The following DCAF8L2 variants were observed in gnomAD, a reference collection of about 807,000 sequenced individuals.
The protein encoded by DCAF8L2 is DDB1- and CUL4-associated factor 8-like protein 2.
For missense variants in DCAF8L2, 430 were observed against 490.7 expected, an observed-to-expected ratio of 0.88 and a Z score of 1.17; for synonymous variants, 200 against 190.9, an observed-to-expected ratio of 1.05 and a Z score of -0.39.
chrX:27,730,271 T>A (rs1921111132), intron 4 of DCAF8L2, among the ~76,000 whole-genome samples: 1 of 111,656 alleles, frequency 9.0e-6, no homozygotes, highest in Non-Finnish European at 1.9e-5. Flanking sequence ...TTTGTTTGTT[T>A]GCTTGCTTAT....
chrX:27,544,235 A>G, the DCAF8L2 span, among the ~76,000 whole-genome samples: 1 of 111,707 alleles, frequency 9.0e-6, no homozygotes, highest in Non-Finnish European at 1.9e-5. Context: ...GCCAGGATCC[A>G]AGCCTCCATT....
the DCAF8L2 span, among the ~76,000 whole-genome samples, chrX:27,549,201 A>T: frequency 8.9e-6 from 1 of 111,843 alleles, no homozygotes; most frequent in Non-Finnish European, 1.9e-5. Flanking sequence ...ATTCTATTTT[A>T]ATTATGAAAT....
At chrX:27,623,507 G>GT (rs1458958166) in intron 1 of DCAF8L2, among the ~76,000 whole-genome samples, 4 of 109,888 alleles carry the variant, frequency 3.6e-5, no homozygotes, top group Non-Finnish European at 7.6e-5. Context: ...GTTTTTGAGG[G>GT]TTTTTCAATG....
chrX:27,634,291 A>G (rs917585370), intron 2 of DCAF8L2, among the ~76,000 whole-genome samples: 1 of 111,595 alleles, frequency 9.0e-6, no homozygotes, highest in African/African-American at 3.3e-5. Flanking sequence ...ACCCATATGC[A>G]TGCTACTCTC....
intron 4 of DCAF8L2, among the ~76,000 whole-genome samples, chrX:27,736,445 G>A (rs915476941): frequency 3.6e-5 from 4 of 111,920 alleles, no homozygotes; most frequent in Non-Finnish European, 5.6e-5. Context: ...TAGTCATATG[G>A]ATGAATCAAA....
the DCAF8L2 span, among the ~76,000 whole-genome samples, chrX:27,494,802 A>G: frequency 8.9e-6 from 1 of 112,211 alleles, no homozygotes; most frequent in Non-Finnish European, 1.9e-5. Flanking sequence ...CTTTGCATTG[A>G]AATGGTTCTT....
chrX:27,559,144 G>A, the DCAF8L2 span, among the ~76,000 whole-genome samples: 110 of 110,729 alleles, frequency 9.9e-4, 2 homozygotes, highest in Non-Finnish European at 1.5e-3. Flanking sequence ...ATAGAACTGC[G>A]AGTCAATTAA....
At chrX:27,532,741 T>C in the DCAF8L2 span, among the ~76,000 whole-genome samples, 1 of 100,829 alleles carries the variant, frequency 9.9e-6, no homozygotes, top group African/African-American at 3.6e-5. Context: ...TATTTATTTA[T>C]TTATTTATTT....
At chrX:27,703,765 A>T (rs1248277680) in intron 3 of DCAF8L2, among the ~76,000 whole-genome samples, 1 of 110,866 alleles carries the variant, frequency 9.0e-6, no homozygotes. Flanking sequence ...TAAAACAATA[A>T]CAGCCTTAAA....
chrX:27,587,965 G>A, upstream of DCAF8L2, among the ~76,000 whole-genome samples: 1 of 46,095 alleles, frequency 2.2e-5, no homozygotes, highest in African/African-American at 9.0e-5. Flanking sequence ...AGTGACTTCA[G>A]TACTTCCATT....
intron 1 of DCAF8L2, among the ~76,000 whole-genome samples, chrX:27,626,094 T>C (rs932946246): frequency 1.8e-5 from 2 of 111,882 alleles, no homozygotes; most frequent in Non-Finnish European, 1.9e-5. Flanking sequence ...GCCCAAGATC[T>C]GAGTTCCCTT....
chrX:27,538,371 G>C, the DCAF8L2 span, among the ~76,000 whole-genome samples: 1 of 111,367 alleles, frequency 9.0e-6, no homozygotes, highest in Non-Finnish European at 1.9e-5. Context: ...TTAGTAGCTT[G>C]AGACAACAAA....
chrX:27,509,023 A>C, the DCAF8L2 span, among the ~76,000 whole-genome samples: 3 of 111,276 alleles, frequency 2.7e-5, no homozygotes, highest in African/African-American at 9.8e-5. Flanking sequence ...TTTTGAAGAT[A>C]GATAGAGAAT....
chrX:27,567,581 A>ATATATT, the DCAF8L2 span, among the ~76,000 whole-genome samples: 8 of 93,947 alleles, frequency 8.5e-5, no homozygotes, highest in Admixed American at 3.6e-4. Context: ...ATATATATAT[A>ATATATT]TATATGAAAA....
chrX:27,714,523 T>G (rs1294380049), intron 3 of DCAF8L2, among the ~76,000 whole-genome samples: 2 of 111,968 alleles, frequency 1.8e-5, no homozygotes, highest in African/African-American at 6.5e-5. Flanking sequence ...ATGCTTAGTT[T>G]AGTAGAGAAA....
the DCAF8L2 span, chrX:27,519,406 G>C: frequency 8.9e-7 from 1 of 1,124,362 alleles, no homozygotes; most frequent in Non-Finnish European, 1.2e-6. Context: ...GGAGCAGCTA[G>C]CAGCACTTGC....
chrX:27,685,681 T>C (rs1398072484), intron 3 of DCAF8L2, among the ~76,000 whole-genome samples: 1 of 111,797 alleles, frequency 8.9e-6, no homozygotes, highest in East Asian at 2.8e-4. Context: ...GCAAATATAT[T>C]TTTGTGTAAG....
chrX:27,550,765 G>C, the DCAF8L2 span, among the ~76,000 whole-genome samples: 1 of 109,974 alleles, frequency 9.1e-6, no homozygotes, highest in Non-Finnish European at 1.9e-5. Flanking sequence ...TTCCATGTAT[G>C]AGTGAGATCA....
chrX:27,659,935 T>C (rs1055727293), intron 2 of DCAF8L2, among the ~76,000 whole-genome samples: 2 of 112,000 alleles, frequency 1.8e-5, no homozygotes, highest in African/African-American at 3.2e-5. Flanking sequence ...TATTTCCTTT[T>C]CTTTAAGATC....
Sources: allele counts gnomAD v4.1 joint callset (sites outside exome capture counted in the v4.1 genomes callset), GRCh38; gene constraint gnomAD v4.1.1; transcripts MANE v1.5; gene names NCBI Gene and HGNC (gene_info 2026-07-23, HGNC 2026-07-21).